Variants in SHANK2 observed in about 807,000 individuals in gnomAD.
SHANK2 encodes the protein SH3 and multiple ankyrin repeat domains 2, also known as SH3 and multiple ankyrin repeat domains protein 2.
A neutral mutation model predicts 133.7 loss-of-function variants in SHANK2; 43 were observed. The observed-to-expected ratio is 0.32, with a 90% confidence interval of 0.25 to 0.41. The LOEUF (loss-of-function observed/expected upper bound fraction) is 0.41. Among genes scored for constraint, SHANK2 ranks in the 10% least tolerant of loss-of-function variants. SHANK2 has a pLI of 1.00. For missense variants in SHANK2, 1,994 were observed against 2,235.8 expected (o/e 0.89, Z 2.18); for synonymous variants, 1,017 against 952.8 (o/e 1.07, Z -1.24).
At chr11:70,670,824 C>T (rs1417717240) in intron 15 of SHANK2, among the ~76,000 whole-genome samples, 1 of 152,194 alleles carries the variant, frequency 6.6e-6, no homozygotes, top group Non-Finnish European at 1.5e-5. Context: ...GCAATTCCTG[C>T]ACGGAGGGGA....
intron 1 of SHANK2, among the ~76,000 whole-genome samples, chr11:71,229,194 A>G (rs998218393): frequency 2.0e-5 from 3 of 152,212 alleles, no homozygotes; most frequent in Non-Finnish European, 2.9e-5. Flanking sequence ...TGCTCTCACC[A>G]TTCTTACTCA....
chr11:71,170,294 T>C (rs1028249864), intron 2 of SHANK2, among the ~76,000 whole-genome samples: 1 of 152,222 alleles, frequency 6.6e-6, no homozygotes, highest in Admixed American at 6.5e-5. Flanking sequence ...AATGCTAGAC[T>C]AGAACAACGT....
chr11:70,553,743 C>G (rs1348822011), intron 17 of SHANK2, among the ~76,000 whole-genome samples: 2 of 152,192 alleles, frequency 1.3e-5, no homozygotes, highest in African/African-American at 2.4e-5. Context: ...TTGCTTCTGC[C>G]CTGCCACTTG....
intron 14 of SHANK2, among the ~76,000 whole-genome samples, chr11:70,776,026 G>T (rs1947358334): frequency 6.6e-6 from 1 of 152,206 alleles, no homozygotes; most frequent in African/African-American, 2.4e-5. Flanking sequence ...CTTTGCCCCA[G>T]CTAGAAGGGG....
At chr11:70,949,348 A>AAGCAGCTC (rs1950800181) in intron 10 of SHANK2, among the ~76,000 whole-genome samples, 1 of 152,166 alleles carries the variant, frequency 6.6e-6, no homozygotes, top group Non-Finnish European at 1.5e-5. Flanking sequence ...GCTGCCCGGC[A>AAGCAGCTC]AGCAGCTCCC....
intron 2 of SHANK2, among the ~76,000 whole-genome samples, chr11:71,221,138 T>A (rs1591033842): frequency 6.6e-6 from 1 of 150,418 alleles, no homozygotes; most frequent in Non-Finnish European, 1.5e-5. Flanking sequence ...GAGGCGGAGG[T>A]TGCAGTGAGC....
At chr11:71,216,057 C>T (rs1954406098) in intron 2 of SHANK2, among the ~76,000 whole-genome samples, 1 of 151,782 alleles carries the variant, frequency 6.6e-6, no homozygotes, top group Admixed American at 6.6e-5. Flanking sequence ...CTCTCTGGAA[C>T]ATGGTTTGTC....
At chr11:70,641,090 T>C (rs59421590) in intron 17 of SHANK2, among the ~76,000 whole-genome samples, 3 of 145,504 alleles carry the variant, frequency 2.1e-5, no homozygotes, top group Non-Finnish European at 4.5e-5. Context: ...CTTTTTTTTC[T>C]TTTTTTCTTT....
At position 70,806,984 on chromosome 11, in the gene SHANK2, C is replaced by T. The variant is rs782464266; in HGVS notation, c.1663+18G>A. ...CTGACCTCACTCCAGGAGCGGAGGACAACCAGCAGACACTGACCTTTGACC... is the reference window on the plus strand; with the variant it reads ...CTGACCTCACTCCAGGAGCGGAGGATAACCAGCAGACACTGACCTTTGACC... On this transcript the variant is annotated intron_variant, in intron 13 of 25. Transcript: ENST00000601538. 1 of 715,092 alleles carries T rather than the reference C, an allele frequency of 1.4e-6. No homozygotes were observed. Among genetic ancestry groups the T allele is most frequent in the South Asian group, 1.5e-5 (1 of 67,284 alleles). 44.3% of individuals were successfully genotyped at this position (715,092 alleles called of 1,614,324 possible). A position where few individuals can be genotyped will look rare whatever the true frequency, so the allele number is the denominator to read the frequency against.
intron 1 of SHANK2, among the ~76,000 whole-genome samples, chr11:71,250,532 C>T (rs1948160789): frequency 6.6e-6 from 1 of 152,238 alleles, no homozygotes. Context: ...AGAATTAACA[C>T]TGAACCCAGA....
At chr11:71,113,183 A>T in intron 5 of SHANK2, 110 bp downstream of exon 5, 1 of 979,136 alleles carries the variant, frequency 1.0e-6, no homozygotes, top group South Asian at 1.5e-5. Flanking sequence ...ACGCCATGCC[A>T]GGTACACAGC....
chr11:70,693,838 A>T (rs1346833602), intron 15 of SHANK2, among the ~76,000 whole-genome samples: 1 of 152,126 alleles, frequency 6.6e-6, no homozygotes, highest in Non-Finnish European at 1.5e-5. Context: ...AGAGATACAT[A>T]TGGATGGAAG....
intron 17 of SHANK2, among the ~76,000 whole-genome samples, chr11:70,505,498 G>T (rs2135847879): frequency 6.6e-6 from 1 of 152,232 alleles, no homozygotes; most frequent in Non-Finnish European, 1.5e-5. Context: ...GATCCCCAGG[G>T]GTCATCCCTT....
At chr11:71,092,357 G>T (rs782512957) in intron 8 of SHANK2, 65 bp downstream of exon 8, 9 of 1,530,640 alleles carry the variant, frequency 5.9e-6, no homozygotes, top group Non-Finnish European at 8.0e-6. Context: ...GCTTATCTGC[G>T]GGATCGGAGG....
chr11:70,552,960 C>T (rs1263559632), intron 17 of SHANK2, among the ~76,000 whole-genome samples: 1 of 152,178 alleles, frequency 6.6e-6, no homozygotes, highest in Non-Finnish European at 1.5e-5. Context: ...TGAGGCCTCT[C>T]TCCTTGGATG....
chr11:70,818,349 T>G (rs1189800569), intron 12 of SHANK2, among the ~76,000 whole-genome samples: 2 of 151,850 alleles, frequency 1.3e-5, no homozygotes, highest in African/African-American at 4.8e-5. Flanking sequence ...GTGCATTCTG[T>G]CCCCCGTTCC....
intron 17 of SHANK2, among the ~76,000 whole-genome samples, chr11:70,591,367 GAAAAAGAAAAAGAAA>G (rs1158506833): frequency 2.0e-5 from 3 of 147,730 alleles, no homozygotes; most frequent in African/African-American, 7.5e-5. Context: ...AAAAGAAAAA[GAAAAAGAAAAAGAAA>G]AAAAAGAAAA....
chr11:70,491,645 C>T (rs532405886), intron 22 of SHANK2, among the ~76,000 whole-genome samples: 1 of 152,356 alleles, frequency 6.6e-6, no homozygotes, highest in South Asian at 2.1e-4. Flanking sequence ...GACAGGTAGG[C>T]AGTGCTAGAA....
intron 17 of SHANK2, among the ~76,000 whole-genome samples, chr11:70,554,709 A>G (rs1180795784): frequency 2.0e-5 from 3 of 152,134 alleles, no homozygotes; most frequent in African/African-American, 4.8e-5. Flanking sequence ...GTAACTATCT[A>G]TAACGCCCCG....
Sources: gnomAD v4.1 joint callset for allele counts (sites outside exome capture counted in the v4.1 genomes callset) on GRCh38, gnomAD v4.1.1 for gene constraint, MANE v1.5 for transcripts, NCBI Gene and HGNC (gene_info 2026-07-23, HGNC 2026-07-21) for gene names.